Variants in INPP5F observed in about 807,000 individuals in gnomAD.
INPP5F encodes inositol polyphosphate-5-phosphatase F, also known as phosphatidylinositide 4-phosphatase SAC2.
Under a neutral mutation model 137.2 loss-of-function variants are expected in INPP5F, and 97 were observed. The ratio of observed to expected loss-of-function variants is 0.71; its 90% CI spans 0.60 to 0.84. The LOEUF is 0.84. Among genes scored for constraint, INPP5F ranks in the 40% least tolerant of loss-of-function variants. INPP5F has a pLI of 0.00. For synonymous variants in INPP5F, 504 were observed against 476.9 expected, an observed-to-expected ratio of 1.06 and a Z score of -0.74; for missense variants, 1,271 against 1,371.9, an observed-to-expected ratio of 0.93 and a Z score of 1.16.
chr10:119,763,628 T>C (rs1849069490), intron 2 of INPP5F, among the ~76,000 whole-genome samples: 1 of 152,236 alleles, frequency 6.6e-6, no homozygotes, highest in Admixed American at 6.5e-5. Context: ...ACACCCATAT[T>C]ACTCTCCTTA....
chr10:119,749,789 T>G (rs1848639167), intron 1 of INPP5F, among the ~76,000 whole-genome samples: 1 of 152,234 alleles, frequency 6.6e-6, no homozygotes, highest in Non-Finnish European at 1.5e-5. Context: ...TTGCTTTAAT[T>G]CTTGCAATAA....
chr10:119,732,396 G>A (rs1007400181), intron 1 of INPP5F, among the ~76,000 whole-genome samples: 1 of 151,908 alleles, frequency 6.6e-6, no homozygotes, highest in African/African-American at 2.4e-5. Flanking sequence ...TACAGATTGA[G>A]GGAGGTTTTT....
At chr10:119,737,669 A>G (rs1279473311) in intron 1 of INPP5F, among the ~76,000 whole-genome samples, 1 of 152,242 alleles carries the variant, frequency 6.6e-6, no homozygotes, top group African/African-American at 2.4e-5. Flanking sequence ...GGAAATGTGT[A>G]TCAAACTTTG....
At chr10:119,815,076 A>C (rs1449712850) in intron 15 of INPP5F, among the ~76,000 whole-genome samples, 4 of 152,104 alleles carry the variant, frequency 2.6e-5, no homozygotes, top group Non-Finnish European at 4.4e-5. Flanking sequence ...CCTGTTAGCC[A>C]GGATGGTCTC....
intron 16 of INPP5F, among the ~76,000 whole-genome samples, chr10:119,822,090 G>A (rs562296028): frequency 2.0e-5 from 3 of 151,920 alleles, no homozygotes; most frequent in South Asian, 2.1e-4. Context: ...GGGTTTCTCC[G>A]TGTTGGTCAG....
intron 6 of INPP5F, among the ~76,000 whole-genome samples, chr10:119,794,371 G>A (rs1188878321): frequency 6.6e-6 from 1 of 152,204 alleles, no homozygotes; most frequent in East Asian, 1.9e-4. Flanking sequence ...CAAGGCAGAA[G>A]AATTTTTCTT....
chr10:119,822,632 C>G, intron 17 of INPP5F, 128 bp downstream of exon 17: 1 of 554,380 alleles, frequency 1.8e-6, no homozygotes, highest in Non-Finnish European at 3.2e-6. Flanking sequence ...TATTATTTTC[C>G]ATTTGTTGTT....
At chr10:119,791,678 A>G in intron 4 of INPP5F, 33 bp downstream of exon 4, 1 of 1,547,530 alleles carries the variant, frequency 6.5e-7, no homozygotes, top group East Asian at 2.2e-5. Context: ...CTTTGAATTC[A>G]CCTTTGATTA....
chr10:119,760,169 A>G (rs1435949299), intron 2 of INPP5F, among the ~76,000 whole-genome samples: 2 of 152,312 alleles, frequency 1.3e-5, no homozygotes, highest in South Asian at 2.1e-4. Flanking sequence ...GCCTCATGCT[A>G]TTCCACTCTC....
intron 2 of INPP5F, among the ~76,000 whole-genome samples, chr10:119,764,753 T>C (rs899398059): frequency 3.3e-5 from 5 of 151,780 alleles, no homozygotes; most frequent in Admixed American, 3.3e-4. Flanking sequence ...GGCTAATTTT[T>C]TGTATTTTTA....
Position 119,769,137 on chromosome 10 carries a change from TAATAAA to T in INPP5F, c.179-12488_179-12483del, listed in dbSNP as rs901192375. Reference sequence around the variant, plus strand: ...TATTAATATATTCCCTATATAATGTTAATAAAAATAAAAATGATTGCTGGACATGCA... The same window carrying T: ...TATTAATATATTCCCTATATAATGTTAATAAAAATGATTGCTGGACATGCA... On this transcript the variant is annotated intron_variant, in intron 2 of 19. Transcript: ENST00000650623. Among the ~76,000 whole-genome samples the T allele has an allele frequency of 1.2e-4, 19 of 152,266 alleles. No homozygotes were observed. In the East Asian group the frequency reaches 1.3e-3, roughly 11 times the overall value.
intron 6 of INPP5F, among the ~76,000 whole-genome samples, chr10:119,794,734 CAGGTGGGG>C (rs1850275072): frequency 7.3e-6 from 1 of 136,798 alleles, no homozygotes; most frequent in Non-Finnish European, 1.6e-5. Flanking sequence ...GGCGGCTGGC[CAGGTGGGG>C]GGGCTGACCC....
chr10:119,743,593 C>T (rs987813819), intron 1 of INPP5F, among the ~76,000 whole-genome samples: 4 of 136,018 alleles, frequency 2.9e-5, no homozygotes, highest in Non-Finnish European at 3.0e-5. Flanking sequence ...GGTGGGGAGT[C>T]GGATTCCAGG....
intron 6 of INPP5F, among the ~76,000 whole-genome samples, chr10:119,795,805 C>T (rs940310538): frequency 3.0e-4 from 45 of 152,176 alleles, no homozygotes; most frequent in African/African-American, 8.0e-4. Context: ...ACTGAGTGAA[C>T]GAGACTCCGT....
chr10:119,744,409 T>C (rs1360952399), intron 1 of INPP5F, among the ~76,000 whole-genome samples: 1 of 152,192 alleles, frequency 6.6e-6, no homozygotes, highest in East Asian at 1.9e-4. Flanking sequence ...CTTCTCCATT[T>C]CTGTGTTTAG....
intron 1 of INPP5F, among the ~76,000 whole-genome samples, chr10:119,727,813 A>G (rs1402046074): frequency 6.6e-6 from 1 of 152,062 alleles, no homozygotes; most frequent in African/African-American, 2.4e-5. Context: ...TGATTTGACC[A>G]TTTGTCTGGC....
intron 15 of INPP5F, 130 bp from the exon 16 acceptor site, chr10:119,820,716 T>A (rs1471451376): frequency 7.4e-6 from 5 of 675,322 alleles, no homozygotes. Flanking sequence ...GTAGAACTCA[T>A]TGATTACCTT....
chr10:119,779,248 A>G (rs1041482658), intron 2 of INPP5F, among the ~76,000 whole-genome samples: 1 of 152,160 alleles, frequency 6.6e-6, no homozygotes, highest in Non-Finnish European at 1.5e-5. Flanking sequence ...TGTATTGGGC[A>G]TTTACTATGA....
Position 119,827,543 on chromosome 10 carries a change from T to G in INPP5F, c.3162T>G (p.His1054Gln). 1 of 1,614,160 alleles carries G rather than the reference T, an allele frequency of 6.2e-7. No homozygotes were observed. The highest frequency in any genetic ancestry group is 8.5e-7 in the Non-Finnish European group (1 of 1,180,004). ...SSMLELETGL[H>Q]VTPSPSESSS... Reference sequence around the variant, plus strand: ...TGCTTGAACTTGAGACAGGGCTTCATGTAACTCCTTCTCCTTCAGAGAGCA... The same window carrying G: ...TGCTTGAACTTGAGACAGGGCTTCAGGTAACTCCTTCTCCTTCAGAGAGCA... Residue 1054 changes from histidine (H) to glutamine (Q), a missense_variant, in exon 20 of 20, where the codon CAT becomes CAG. By Grantham distance (24) the His-to-Gln change is conservative. Transcript: ENST00000650623.
Sources: gnomAD v4.1 joint callset for allele counts (sites outside exome capture counted in the v4.1 genomes callset) on GRCh38, gnomAD v4.1.1 for gene constraint, MANE v1.5 for transcripts, NCBI Gene and HGNC (gene_info 2026-07-23, HGNC 2026-07-21) for gene names.